The following CYRIB variants were observed in gnomAD, a reference collection of about 807,000 sequenced individuals.
The protein encoded by CYRIB is CYFIP-related Rac1 interactor B.
Under a neutral mutation model 44.2 loss-of-function variants are expected in CYRIB, and 8 were observed. The ratio of observed to expected loss-of-function variants is 0.18; its 90% CI spans 0.11 to 0.33. CYRIB has a LOEUF of 0.33. Among genes scored for constraint, CYRIB ranks in the 10% least tolerant of loss-of-function variants. The probability of loss-of-function intolerance (pLI) is 1.00; values close to 1 mark genes in which losing one functional copy is unlikely to be tolerated. For synonymous variants in CYRIB, 131 were observed against 127.2 expected (o/e 1.03, Z -0.20); for missense variants, 185 against 382.8 (o/e 0.48, Z 4.31).
chr8:129,937,419 T>C (rs1336758092), intron 1 of CYRIB, among the ~76,000 whole-genome samples: 1 of 152,222 alleles, frequency 6.6e-6, no homozygotes, highest in Non-Finnish European at 1.5e-5. Context: ...CACCCCTCTA[T>C]ACTTCTCCAT....
intron 1 of CYRIB, among the ~76,000 whole-genome samples, chr8:129,990,426 T>C (rs997038249): frequency 1.3e-5 from 2 of 152,138 alleles, no homozygotes; most frequent in African/African-American, 4.8e-5. Flanking sequence ...TAATATTTCA[T>C]GCTGCTGAGC....
intron 5 of CYRIB, among the ~76,000 whole-genome samples, chr8:129,856,122 G>A (rs1411307988): frequency 6.6e-6 from 1 of 152,170 alleles, no homozygotes; most frequent in Non-Finnish European, 1.5e-5. Flanking sequence ...ATCTACAGCT[G>A]AGTAACTTTC....
intron 1 of CYRIB, among the ~76,000 whole-genome samples, chr8:129,924,628 T>C (rs1219050979): frequency 1.3e-5 from 2 of 152,142 alleles, no homozygotes; most frequent in African/African-American, 4.8e-5. Context: ...CTAATGATCA[T>C]GACTTTGGTC....
At chr8:129,921,723 T>C (rs181848995) in intron 1 of CYRIB, among the ~76,000 whole-genome samples, 163 of 152,308 alleles carry the variant, frequency 1.1e-3, no homozygotes, top group African/African-American at 3.5e-3. Flanking sequence ...GTATTCAACA[T>C]TACCCTATGT....
chr8:129,990,019 C>G (rs1361007743), intron 1 of CYRIB, among the ~76,000 whole-genome samples: 1 of 152,012 alleles, frequency 6.6e-6, no homozygotes. Flanking sequence ...TATATATGTG[C>G]CCTTTCTTAT....
intron 1 of CYRIB, among the ~76,000 whole-genome samples, chr8:129,980,190 T>C (rs1386336130): frequency 2.3e-5 from 3 of 131,632 alleles, no homozygotes; most frequent in South Asian, 2.3e-4. Context: ...ATTGCACCAC[T>C]GCACTCCAGC....
At chr8:129,936,234 C>T (rs968356801) in intron 1 of CYRIB, among the ~76,000 whole-genome samples, 17 of 152,102 alleles carry the variant, frequency 1.1e-4, no homozygotes, top group African/African-American at 4.1e-4. Flanking sequence ...TCAACGTCTC[C>T]CACTTGGGAG....
chr8:129,845,587 C>T (rs775470092), intron 11 of CYRIB, among the ~76,000 whole-genome samples: 1 of 152,230 alleles, frequency 6.6e-6, no homozygotes, highest in Non-Finnish European at 1.5e-5. Context: ...GCTTATGCAA[C>T]ACTTTTCATA....
At chr8:130,013,964 C>T (rs1429212148) in intron 1 of CYRIB, among the ~76,000 whole-genome samples, 1 of 152,256 alleles carries the variant, frequency 6.6e-6, no homozygotes, top group Non-Finnish European at 1.5e-5. Context: ...ACAAAGACCA[C>T]TCAGCGTCTG....
At chr8:129,900,438 T>C (rs2070971857) in intron 2 of CYRIB, among the ~76,000 whole-genome samples, 1 of 152,222 alleles carries the variant, frequency 6.6e-6, no homozygotes. Flanking sequence ...TGTCAGCTGC[T>C]GGGCAAACAC....
At chr8:129,875,969 C>T (rs530683492) in intron 3 of CYRIB, among the ~76,000 whole-genome samples, 18 of 152,198 alleles carry the variant, frequency 1.2e-4, no homozygotes, top group African/African-American at 4.1e-4. Context: ...AAAAAATTAG[C>T]TGGGTGTGGT....
chr8:129,839,909 G>A (rs547771829), exon 12 of CYRIB: 2 of 152,070 alleles, frequency 1.3e-5, no homozygotes, highest in South Asian at 2.1e-4. Flanking sequence ...GTCCACCGAA[G>A]CATTCACTTG....
chr8:129,842,002 T>G, exon 12 of CYRIB: 1 of 642,958 alleles, frequency 1.6e-6, no homozygotes, highest in Non-Finnish European at 2.7e-6. Context: ...AGAACATGAT[T>G]AAAAAAGAGG....
intron 1 of CYRIB, among the ~76,000 whole-genome samples, chr8:129,934,780 T>C (rs1290012456): frequency 1.3e-5 from 2 of 152,214 alleles, no homozygotes; most frequent in Non-Finnish European, 2.9e-5. Context: ...CTTCATGATT[T>C]TGCAGGAGAC....
At chr8:130,008,724 C>G (rs1189706978) in intron 1 of CYRIB, among the ~76,000 whole-genome samples, 2 of 152,340 alleles carry the variant, frequency 1.3e-5, no homozygotes, top group East Asian at 3.9e-4. Flanking sequence ...TTGATTCTTT[C>G]ATTTGCAAGC....
chr8:129,935,605 C>G (rs768546907), intron 1 of CYRIB, among the ~76,000 whole-genome samples: 1 of 152,186 alleles, frequency 6.6e-6, no homozygotes, highest in African/African-American at 2.4e-5. Context: ...GACCCCTGCT[C>G]TAGACACAGT....
At chr8:129,893,918 C>A (rs1375496764) in intron 2 of CYRIB, among the ~76,000 whole-genome samples, 1 of 150,804 alleles carries the variant, frequency 6.6e-6, no homozygotes, top group Non-Finnish European at 1.5e-5. Context: ...ATAAACAATA[C>A]AGTATTGTTC....
chr8:129,909,326 A>T (rs1664825769), intron 1 of CYRIB, among the ~76,000 whole-genome samples: 1 of 152,200 alleles, frequency 6.6e-6, no homozygotes, highest in Admixed American at 6.5e-5. Flanking sequence ...TCACTACACA[A>T]AATACATAAA....
intron 1 of CYRIB, among the ~76,000 whole-genome samples, chr8:130,001,615 G>A (rs932487389): frequency 4.3e-5 from 6 of 139,446 alleles, no homozygotes; most frequent in South Asian, 2.3e-4. Flanking sequence ...TGCAACCTCC[G>A]CCTCCTGGGT....
Sources: allele counts gnomAD v4.1 joint callset (sites outside exome capture counted in the v4.1 genomes callset), GRCh38; gene constraint gnomAD v4.1.1; transcripts MANE v1.5; gene names NCBI Gene and HGNC (gene_info 2026-07-23, HGNC 2026-07-21).